Variants in CSMD3 observed in about 807,000 individuals in gnomAD.
CSMD3 encodes the protein CUB and sushi domain-containing protein 3.
In CSMD3, 177 loss-of-function variants were observed where a neutral mutation model predicts 435.2. That is an observed-to-expected ratio of 0.41 (90% CI 0.36 to 0.46). The LOEUF (loss-of-function observed/expected upper bound fraction) is 0.46, where lower values mean the gene tolerates loss of function less well. Ranked by LOEUF, CSMD3 falls within the 20% of genes least tolerant of loss-of-function variation. The probability of loss-of-function intolerance (pLI) is 0.34; values close to 1 mark genes in which losing one functional copy is unlikely to be tolerated. For missense variants in CSMD3, 4,265 were observed against 4,504.6 expected, an observed-to-expected ratio of 0.95 and a Z score of 1.52; for synonymous variants, 1,656 against 1,520.5, an observed-to-expected ratio of 1.09 and a Z score of -2.07.
At chr8:112,686,635 C>G (rs780815162) in intron 14 of CSMD3, among the ~76,000 whole-genome samples, 1 of 151,600 alleles carries the variant, frequency 6.6e-6, no homozygotes, top group Non-Finnish European at 1.5e-5. Context: ...TACAGGCACG[C>G]CCACCACGCC....
At chr8:112,991,013 AG>A (rs2085438561) in intron 6 of CSMD3, among the ~76,000 whole-genome samples, 1 of 152,006 alleles carries the variant, frequency 6.6e-6, no homozygotes, top group East Asian at 1.9e-4. Flanking sequence ...TCATCTCTAA[AG>A]AAAAATGGAA....
rs192654045 is a variant in CSMD3, at chr8:112,411,365, C to T, written c.5396-2333G>A. The stretch of plus-strand genomic sequence containing the variant: ...AACTCGGTTGGGAGAGTTGAGAAAG[C>T]TAGGAGTGGGGGAGTACAGTGCTGA... On this transcript the variant is annotated intron_variant, in intron 32 of 70. Coordinates refer to ENST00000297405, the MANE Select transcript of CSMD3 (RefSeq NM_198123.2). Among the ~76,000 whole-genome samples the T allele has an allele frequency of 3.3e-5, 5 of 151,846 alleles. No individual in the cohort carries two copies. In the East Asian group the frequency reaches 9.7e-4, roughly 29 times the overall value.
intron 15 of CSMD3, among the ~76,000 whole-genome samples, chr8:112,684,839 T>A (rs2075976826): frequency 6.6e-6 from 1 of 152,168 alleles, no homozygotes; most frequent in Admixed American, 6.6e-5. Context: ...AATTTATTCT[T>A]TATAGCAATC....
intron 1 of CSMD3, among the ~76,000 whole-genome samples, chr8:113,367,137 G>T (rs1002500007): frequency 6.6e-6 from 1 of 151,740 alleles, no homozygotes; most frequent in African/African-American, 2.4e-5. Context: ...TAAATTGAAT[G>T]AATGCTTTTG....
chr8:112,595,295 C>T (rs962478973), intron 22 of CSMD3, among the ~76,000 whole-genome samples: 88 of 151,458 alleles, frequency 5.8e-4, no homozygotes, highest in African/African-American at 1.5e-3. Flanking sequence ...TGAAATGAAG[C>T]GAGAAGGGAA....
intron 27 of CSMD3, among the ~76,000 whole-genome samples, chr8:112,521,494 C>T (rs902094178): frequency 1.3e-4 from 19 of 151,910 alleles, no homozygotes; most frequent in African/African-American, 4.3e-4. Context: ...TTCTTTCTGG[C>T]TTATTTGCTG....
intron 12 of CSMD3, among the ~76,000 whole-genome samples, chr8:112,802,177 C>A (rs1429426822): frequency 6.6e-6 from 1 of 151,804 alleles, no homozygotes; most frequent in Non-Finnish European, 1.5e-5. Flanking sequence ...CCCTCAACTT[C>A]TCTTTAGCAT....
chr8:112,789,569 T>C (rs1029320196), intron 13 of CSMD3, among the ~76,000 whole-genome samples: 2 of 151,824 alleles, frequency 1.3e-5, no homozygotes, highest in Non-Finnish European at 2.9e-5. Flanking sequence ...GATAATTCAG[T>C]CACTGAAATG....
intron 6 of CSMD3, among the ~76,000 whole-genome samples, chr8:112,990,748 A>G (rs1420477073): frequency 6.6e-6 from 1 of 151,858 alleles, no homozygotes; most frequent in East Asian, 1.9e-4. Flanking sequence ...TAGAGAGCAT[A>G]TTATGAGAAT....
rs187434073 is a variant in CSMD3, at chr8:112,987,088, C to G, written c.1031-10940G>C. Among the ~76,000 whole-genome samples, 903 of 151,960 alleles carry G rather than the reference C, an allele frequency of 5.9e-3. 5 individuals carry two copies. The highest frequency in any genetic ancestry group is 0.019 in the African/African-American group (804 of 41,494). On this transcript the variant is annotated intron_variant, in intron 6 of 70. Transcript: ENST00000297405. ...AAAAGGCATTTAAAGTAAGAGTGTT[C>G]TATTTTATCAAGATCATATGCATAT... is the stretch of plus-strand genomic sequence containing the variant.
chr8:112,857,683 G>C (rs907588328), intron 11 of CSMD3, among the ~76,000 whole-genome samples: 1 of 151,560 alleles, frequency 6.6e-6, no homozygotes, highest in Non-Finnish European at 1.5e-5. Flanking sequence ...TTATTTATAG[G>C]CTTGCTTAAA....
intron 14 of CSMD3, among the ~76,000 whole-genome samples, chr8:112,689,364 A>G (rs1280344308): frequency 1.3e-5 from 2 of 151,916 alleles, no homozygotes; most frequent in East Asian, 3.9e-4. Flanking sequence ...TAATCCAAGC[A>G]TATTGTATAT....
chr8:113,093,044 T>A (rs944320670), intron 5 of CSMD3, among the ~76,000 whole-genome samples: 1 of 152,104 alleles, frequency 6.6e-6, no homozygotes, highest in Non-Finnish European at 1.5e-5. Context: ...CAAAAATTAT[T>A]TATACATTTC....
intron 13 of CSMD3, among the ~76,000 whole-genome samples, chr8:112,771,554 AAAAG>A (rs1712171411): frequency 6.6e-6 from 1 of 152,016 alleles, no homozygotes; most frequent in Non-Finnish European, 1.5e-5. Flanking sequence ...AAGAAAAAGA[AAAAG>A]AAAAAAAAGT....
chr8:112,681,259 G>A (rs779675727), intron 16 of CSMD3, among the ~76,000 whole-genome samples: 2 of 150,994 alleles, frequency 1.3e-5, no homozygotes, highest in Admixed American at 6.6e-5. Context: ...TCATCATGTT[G>A]GCCAGAATGG....
At chr8:113,421,120 T>C (rs2094607028) in intron 1 of CSMD3, among the ~76,000 whole-genome samples, 1 of 152,100 alleles carries the variant, frequency 6.6e-6, no homozygotes, top group South Asian at 2.1e-4. Context: ...AATATGCTTT[T>C]CATATTCCAA....
At chr8:113,256,780 CCAAA>C (rs2093384425) in intron 3 of CSMD3, among the ~76,000 whole-genome samples, 1 of 152,192 alleles carries the variant, frequency 6.6e-6, no homozygotes, top group South Asian at 2.1e-4. Flanking sequence ...AACATGATGA[CCAAA>C]CAGACATTGC....
intron 12 of CSMD3, among the ~76,000 whole-genome samples, chr8:112,802,049 C>T (rs983155848): frequency 6.6e-6 from 1 of 151,916 alleles, no homozygotes; most frequent in African/African-American, 2.4e-5. Context: ...CTAACTTATC[C>T]TATTGCCCTG....
At chr8:112,719,712 G>A (rs2076815623) in intron 13 of CSMD3, among the ~76,000 whole-genome samples, 1 of 152,040 alleles carries the variant, frequency 6.6e-6, no homozygotes, top group Non-Finnish European at 1.5e-5. Context: ...AGCAGTAGGT[G>A]GAAGACTGAA....
Sources: allele counts gnomAD v4.1 joint callset (sites outside exome capture counted in the v4.1 genomes callset), GRCh38; gene constraint gnomAD v4.1.1; transcripts MANE v1.5; gene names NCBI Gene and HGNC (gene_info 2026-07-23, HGNC 2026-07-21).